WDR70: variants seen among roughly 807,000 people sequenced by gnomAD.
The protein encoded by WDR70 is WD repeat domain 70.
In WDR70, 53 loss-of-function variants were observed where a neutral mutation model predicts 88.6. That is an observed-to-expected ratio of 0.60 (90% CI 0.48 to 0.75). The LOEUF is 0.75. WDR70 is among the 30% of genes least tolerant of loss of function. The pLI is 0.00. For synonymous variants in WDR70, 280 were observed against 270.0 expected (o/e 1.04, Z -0.36); for missense variants, 610 against 823.2 (o/e 0.74, Z 3.17).
chr5:37,719,262 AG>A (rs1361293292), intron 13 of WDR70, among the ~76,000 whole-genome samples: 13 of 152,140 alleles, frequency 8.5e-5, no homozygotes, highest in Non-Finnish European at 1.6e-4. Flanking sequence ...CTTCCCAACC[AG>A]GAGCAATTTT....
At chr5:37,560,681 G>A (rs1742476061) in intron 9 of WDR70, among the ~76,000 whole-genome samples, 1 of 152,014 alleles carries the variant, frequency 6.6e-6, no homozygotes, top group Non-Finnish European at 1.5e-5. Flanking sequence ...AAAGAGACTA[G>A]GCCTCTTTGT....
chr5:37,720,127 A>G (rs10067239), intron 13 of WDR70, among the ~76,000 whole-genome samples: 12,922 of 152,170 alleles, frequency 0.085, 1,751 homozygotes, highest in African/African-American at 0.29. Flanking sequence ...GATTTAGGAG[A>G]CGTAGTCATG....
At chr5:37,423,794 C>T (rs1750028416) in intron 5 of WDR70, among the ~76,000 whole-genome samples, 1 of 148,076 alleles carries the variant, frequency 6.8e-6, no homozygotes, top group African/African-American at 2.5e-5. Flanking sequence ...AAACTCCTGA[C>T]CTCGTGGTCC....
At chr5:37,712,399 T>G (rs1385643135) in intron 13 of WDR70, among the ~76,000 whole-genome samples, 2 of 152,246 alleles carry the variant, frequency 1.3e-5, no homozygotes, top group Non-Finnish European at 2.9e-5. Context: ...AGCCAGGTTT[T>G]GGGTTCATTA....
At chr5:37,592,378 A>G (rs1425715796) in intron 9 of WDR70, among the ~76,000 whole-genome samples, 1 of 152,214 alleles carries the variant, frequency 6.6e-6, no homozygotes, top group Non-Finnish European at 1.5e-5. Flanking sequence ...ATCTCAATTT[A>G]TATGTCACTG....
intron 8 of WDR70, among the ~76,000 whole-genome samples, chr5:37,493,445 G>T (rs1740126463): frequency 6.6e-6 from 1 of 152,222 alleles, no homozygotes; most frequent in African/African-American, 2.4e-5. Context: ...CCAGCTGACA[G>T]GCAGCAAGCA....
intron 10 of WDR70, among the ~76,000 whole-genome samples, chr5:37,657,206 T>TC (rs1745578738): frequency 6.6e-6 from 1 of 152,142 alleles, no homozygotes; most frequent in Non-Finnish European, 1.5e-5. Context: ...AGTGTACCAT[T>TC]CCTCACAGCA....
chr5:37,613,875 G>A (rs762629203), intron 10 of WDR70, among the ~76,000 whole-genome samples: 5 of 152,144 alleles, frequency 3.3e-5, no homozygotes, highest in Non-Finnish European at 5.9e-5. Flanking sequence ...AGTATGTAGC[G>A]TAACTGAGGT....
intron 12 of WDR70, 105 bp from the exon 13 acceptor site, chr5:37,702,844 T>G: frequency 8.5e-7 from 1 of 1,172,444 alleles, no homozygotes; most frequent in Non-Finnish European, 1.2e-6. Flanking sequence ...TCATAAGCCC[T>G]ATATAGGAGT....
chr5:37,494,141 G>A (rs1279487917), intron 8 of WDR70, among the ~76,000 whole-genome samples: 1 of 152,164 alleles, frequency 6.6e-6, no homozygotes, highest in South Asian at 2.1e-4. Context: ...CACTGGGAAT[G>A]GAAGGGATAA....
chr5:37,598,736 T>C (rs1023523274), intron 9 of WDR70, among the ~76,000 whole-genome samples: 4 of 152,198 alleles, frequency 2.6e-5, no homozygotes, highest in Non-Finnish European at 5.9e-5. Flanking sequence ...TGTCAAAACA[T>C]TTTATGCTGA....
At chr5:37,579,344 G>A (rs1457266242) in intron 9 of WDR70, among the ~76,000 whole-genome samples, 1 of 152,140 alleles carries the variant, frequency 6.6e-6, no homozygotes, top group Admixed American at 6.5e-5. Context: ...CCAGCACTTT[G>A]AGAGGCTGAG....
chr5:37,587,024 A>C (rs969804609), intron 9 of WDR70, among the ~76,000 whole-genome samples: 1 of 152,056 alleles, frequency 6.6e-6, no homozygotes, highest in Non-Finnish European at 1.5e-5. Context: ...CCTCAAAGTA[A>C]TGTTTTCTCC....
At chr5:37,712,281 G>A (rs11749345) in intron 13 of WDR70, among the ~76,000 whole-genome samples, 63,858 of 151,938 alleles carry the variant, frequency 0.42, 15,429 homozygotes, top group Non-Finnish European at 0.54. Flanking sequence ...GAGAGCCACC[G>A]CACCCGGCCA....
chr5:37,417,258 C>G (rs1356378114), intron 5 of WDR70, among the ~76,000 whole-genome samples: 1 of 152,128 alleles, frequency 6.6e-6, no homozygotes, highest in Non-Finnish European at 1.5e-5. Flanking sequence ...GGGTCTTGCT[C>G]TGTCACTCAG....
At chr5:37,393,863 G>A (rs992114069) in intron 4 of WDR70, among the ~76,000 whole-genome samples, 3 of 151,858 alleles carry the variant, frequency 2.0e-5, no homozygotes, top group Admixed American at 6.6e-5. Context: ...GTATTTTTTT[G>A]TAGAGACAGG....
intron 10 of WDR70, among the ~76,000 whole-genome samples, chr5:37,666,271 CT>C (rs1745841036): frequency 1.3e-5 from 2 of 152,178 alleles, no homozygotes; most frequent in Admixed American, 6.5e-5. Flanking sequence ...AGATCCCCAA[CT>C]CCTGTTACCC....
chr5:37,542,280 CT>C (rs765831095), intron 9 of WDR70, among the ~76,000 whole-genome samples: 258 of 144,148 alleles, frequency 1.8e-3, no homozygotes, highest in Admixed American at 2.0e-3. Flanking sequence ...TCTTCTTCTT[CT>C]TTTTTTTTTT....
At chr5:37,707,836 C>T (rs1747372188) in intron 13 of WDR70, among the ~76,000 whole-genome samples, 1 of 146,128 alleles carries the variant, frequency 6.8e-6, no homozygotes, top group African/African-American at 2.5e-5. Context: ...ATAGCTTGAA[C>T]CTGGGAGGCA....
Sources: allele counts gnomAD v4.1 joint callset (sites outside exome capture counted in the v4.1 genomes callset), GRCh38; gene constraint gnomAD v4.1.1; transcripts MANE v1.5; gene names NCBI Gene and HGNC (gene_info 2026-07-23, HGNC 2026-07-21).